Variants in LAMA1 observed in about 807,000 individuals in gnomAD.
LAMA1 encodes laminin subunit alpha-1.
In LAMA1, 219 loss-of-function variants were observed where a neutral mutation model predicts 348.7. The ratio of observed to expected loss-of-function variants is 0.63; its 90% CI spans 0.56 to 0.70. The LOEUF (loss-of-function observed/expected upper bound fraction) is 0.70. Among genes scored for constraint, LAMA1 ranks in the 30% least tolerant of loss-of-function variants. The probability of loss-of-function intolerance (pLI) is 0.00; values close to 1 mark genes in which losing one functional copy is unlikely to be tolerated. For synonymous variants in LAMA1, 1,487 were observed against 1,491.0 expected, an observed-to-expected ratio of 1.00 and a Z score of 0.06; for missense variants, 3,744 against 3,888.0, an observed-to-expected ratio of 0.96 and a Z score of 0.99.
intron 51 of LAMA1, chr18:6,963,841 G>A (rs1318953449): frequency 6.6e-6 from 1 of 152,128 alleles, no homozygotes; most frequent in African/African-American, 2.4e-5. Flanking sequence ...CAAAGTTTCT[G>A]TAAATCATTA....
At chr18:6,986,108 T>G in intron 37 of LAMA1, 29 bp downstream of exon 37, 2 of 1,612,010 alleles carry the variant, frequency 1.2e-6, no homozygotes, top group African/African-American at 2.7e-5. Flanking sequence ...CCTGTTCTAA[T>G]TGAGAAGGAG....
intron 29 of LAMA1, among the ~76,000 whole-genome samples, chr18:7,004,268 G>A (rs2057822044): frequency 6.6e-6 from 1 of 152,210 alleles, no homozygotes; most frequent in Admixed American, 6.5e-5. Context: ...GGCGGTGGTA[G>A]GGAGTGGGTA....
intron 55 of LAMA1, among the ~76,000 whole-genome samples, 177 bp downstream of exon 55, chr18:6,958,300 T>C (rs911669016): frequency 6.6e-6 from 1 of 152,212 alleles, no homozygotes; most frequent in Non-Finnish European, 1.5e-5. Flanking sequence ...TCTAACATTC[T>C]AATCCAATAA....
intron 1 of LAMA1, among the ~76,000 whole-genome samples, chr18:7,098,011 C>T (rs1054992311): frequency 6.7e-6 from 1 of 150,122 alleles, no homozygotes; most frequent in Non-Finnish European, 1.5e-5. Flanking sequence ...AGGCTCGCGC[C>T]GCCACGCCTG....
intron 47 of LAMA1, chr18:6,972,266 A>C: frequency 5.0e-6 from 2 of 399,784 alleles, no homozygotes; most frequent in Non-Finnish European, 9.5e-6. Flanking sequence ...GAGCCAGAGA[A>C]TGTGATTGGT....
intron 3 of LAMA1, among the ~76,000 whole-genome samples, chr18:7,065,101 C>T (rs1343385329): frequency 4.6e-5 from 7 of 151,968 alleles, no homozygotes; most frequent in Non-Finnish European, 1.0e-4. Context: ...GGCATAGTGG[C>T]ACGTGCCTGT....
At chr18:7,063,240 T>G (rs771307544) in intron 3 of LAMA1, among the ~76,000 whole-genome samples, 1 of 152,246 alleles carries the variant, frequency 6.6e-6, no homozygotes, top group East Asian at 1.9e-4. Context: ...GTCTATATTC[T>G]ACTTGAAGAT....
At chr18:7,007,852 G>C (rs1475619596) in intron 28 of LAMA1, among the ~76,000 whole-genome samples, 1 of 152,054 alleles carries the variant, frequency 6.6e-6, no homozygotes, top group Admixed American at 6.6e-5. Flanking sequence ...GATGAGCCTT[G>C]AGGACATTAT....
intron 1 of LAMA1, among the ~76,000 whole-genome samples, chr18:7,098,327 G>T (rs1370455825): frequency 6.6e-6 from 1 of 151,832 alleles, no homozygotes; most frequent in Non-Finnish European, 1.5e-5. Flanking sequence ...GGGATGTGAG[G>T]AGCCCCTCTG....
chr18:7,117,465 T>C (rs1673868818), intron 1 of LAMA1, among the ~76,000 whole-genome samples, 195 bp downstream of exon 1: 1 of 152,020 alleles, frequency 6.6e-6, no homozygotes, highest in South Asian at 2.1e-4. Context: ...GCGGGCAGCG[T>C]CCGGCAGGAG....
chr18:6,950,071 A>C (rs1406624520), intron 58 of LAMA1, among the ~76,000 whole-genome samples: 5 of 152,190 alleles, frequency 3.3e-5, no homozygotes, highest in African/African-American at 9.7e-5. Context: ...GATATTTTTC[A>C]GACTTTGCAT....
chr18:7,066,390 GAC>G (rs781382530), intron 3 of LAMA1, among the ~76,000 whole-genome samples: 4 of 152,164 alleles, frequency 2.6e-5, no homozygotes, highest in Non-Finnish European at 5.9e-5. Context: ...TTATTCTTGT[GAC>G]AACTGGAACT....
At chr18:7,053,315 G>A (rs1489238486) in intron 3 of LAMA1, among the ~76,000 whole-genome samples, 1 of 152,138 alleles carries the variant, frequency 6.6e-6, no homozygotes, top group Admixed American at 6.6e-5. Flanking sequence ...CACCAAGAGG[G>A]AACCCTCAGG....
intron 16 of LAMA1, among the ~76,000 whole-genome samples, chr18:7,030,450 G>C (rs1466814468): frequency 6.6e-6 from 1 of 151,942 alleles, no homozygotes; most frequent in Non-Finnish European, 1.5e-5. Flanking sequence ...ACAAAAAAAA[G>C]GAGCATGAGT....
At chr18:7,003,558 A>G (rs2057818325) in intron 29 of LAMA1, among the ~76,000 whole-genome samples, 3 of 152,124 alleles carry the variant, frequency 2.0e-5, no homozygotes, top group South Asian at 4.2e-4. Context: ...GTGCCCGGCC[A>G]AAAAGGTACA....
intron 3 of LAMA1, among the ~76,000 whole-genome samples, chr18:7,075,409 G>T (rs2058163463): frequency 6.6e-6 from 1 of 152,108 alleles, no homozygotes; most frequent in Admixed American, 6.5e-5. Context: ...GGTCACCTGA[G>T]GTTGGGAGTT....
In LAMA1 at chr18:6,950,983, A is replaced by G. The variant is rs2057544232; in HGVS notation, c.8208-12T>C. On this transcript the variant is annotated splice_polypyrimidine_tract_variant and intron_variant, in intron 57 of 62. Coordinates refer to ENST00000389658, the MANE Select transcript of LAMA1 (RefSeq NM_005559.4). ...GCTCAACCGAGAGCCTGGGGAAAAC[A>G]AGTGCTCAGCGTTGAGAAAGGAAAC... The G allele has an allele frequency of 6.2e-7, 1 of 1,612,524 alleles. No individual in the cohort carries two copies. The highest frequency in any genetic ancestry group is 1.7e-5 in the Admixed American group (1 of 59,854).
At position 7,092,547 on chromosome 18, in the gene LAMA1, C is replaced by T. The variant is rs143993552; in HGVS notation, c.62-12090G>A. On this transcript the variant is annotated intron_variant, in intron 1 of 62. Transcript: ENST00000389658. ...GGCTGAGGCAGGAGAATCACTTGAA[C>T]CCAGGAGGTGGAGGCTGCAGTGAGC... Among the ~76,000 whole-genome samples the T allele has an allele frequency of 6.3e-3, 959 of 151,192 alleles. 14 individuals carry two copies. Among genetic ancestry groups the T allele is most frequent in the African/African-American group, 0.022 (917 of 41,078 alleles).
chr18:6,955,729 C>G (rs528275358), intron 56 of LAMA1: 9 of 560,088 alleles, frequency 1.6e-5, no homozygotes, highest in African/African-American at 3.7e-5. Flanking sequence ...ACTGAAGTCT[C>G]TCCTACAAAT....
Sources: allele counts gnomAD v4.1 joint callset (sites outside exome capture counted in the v4.1 genomes callset), GRCh38; gene constraint gnomAD v4.1.1; transcripts MANE v1.5; gene names NCBI Gene and HGNC (gene_info 2026-07-23, HGNC 2026-07-21).